VAV1: variants seen among roughly 807,000 people sequenced by gnomAD.
VAV1 encodes vav guanine nucleotide exchange factor 1.
Under a neutral mutation model 128.1 loss-of-function variants are expected in VAV1, and 33 were observed. The ratio of observed to expected loss-of-function variants is 0.26; its 90% CI spans 0.20 to 0.34. The LOEUF is 0.34. Ranked by LOEUF, VAV1 falls within the 10% of genes least tolerant of loss-of-function variation. The pLI is 1.00. For synonymous variants in VAV1, 394 were observed against 409.8 expected, an observed-to-expected ratio of 0.96 and a Z score of 0.47; for missense variants, 715 against 1,093.7, an observed-to-expected ratio of 0.65 and a Z score of 4.88.
intron 24 of VAV1, among the ~76,000 whole-genome samples, chr19:6,852,737 G>GA (rs1972699505): frequency 6.8e-6 from 1 of 148,110 alleles, no homozygotes; most frequent in African/African-American, 2.6e-5. Context: ...AAAAAAAAAA[G>GA]AAAGAAAGAA....
chr19:6,843,303 G>A (rs1215141724), intron 22 of VAV1, 137 bp downstream of exon 22: 2 of 991,754 alleles, frequency 2.0e-6, no homozygotes, highest in Non-Finnish European at 3.1e-6. Context: ...TCTAGCTCTG[G>A]GCTGGGGGCT....
chr19:6,843,080 CT>C, intron 21 of VAV1, 54 bp from the exon 22 acceptor site: 1 of 1,579,146 alleles, frequency 6.3e-7, no homozygotes, highest in Non-Finnish European at 8.7e-7. Context: ...GCCCTGCCCT[CT>C]GCTGTCAAGC....
intron 1 of VAV1, among the ~76,000 whole-genome samples, chr19:6,784,461 T>G (rs535715157): frequency 6.6e-6 from 1 of 151,372 alleles, no homozygotes; most frequent in African/African-American, 2.4e-5. Context: ...GGGTCAGCAC[T>G]TGGCACCATC....
intron 22 of VAV1, among the ~76,000 whole-genome samples, chr19:6,846,022 C>T (rs1042365894): frequency 1.3e-5 from 2 of 148,312 alleles, no homozygotes; most frequent in Admixed American, 1.4e-4. Flanking sequence ...TTTACATTTA[C>T]ATTATGTTAG....
At chr19:6,800,792 T>TTTTTTTGTG (rs1555699757) in intron 1 of VAV1, among the ~76,000 whole-genome samples, 3 of 147,612 alleles carry the variant, frequency 2.0e-5, no homozygotes, top group African/African-American at 7.4e-5. Context: ...TGGCAAATTT[T>TTTTTTTGTG]TGTGTGTGTG....
rs1435547215 is a variant in VAV1, at chr19:6,825,476, C to A, written c.827+70C>A. ...TTGCCTAGGCTGGGCATCTGAGAGA[C>A]CTTACCCTCAGACACCACTGGACGG... On this transcript the variant is annotated intron_variant, in intron 8 of 26. Coordinates refer to ENST00000602142, the MANE Select transcript of VAV1 (RefSeq NM_005428.4). 13 of 1,357,312 alleles carry A rather than the reference C, an allele frequency of 9.6e-6. No homozygotes were observed. In the South Asian group the frequency reaches 1.1e-4, roughly 12 times the overall value. The allele number at this position is 1,357,312 out of a possible 1,614,324, so 84.1% of individuals were successfully genotyped here.
At position 6,828,132 on chromosome 19, in the gene VAV1, G is replaced by C; in HGVS notation, c.984G>C (p.Val328=). 2 of 1,614,174 alleles carry C rather than the reference G, an allele frequency of 1.2e-6. No individual in the cohort carries two copies. The highest frequency in any genetic ancestry group is 1.7e-6 in the Non-Finnish European group (2 of 1,180,034). ...TCACCCTGCGGGACCTGCTGATGGT[G>C]CCTATGCAGCGAGTTCTCAAATATC... ...GRFTLRDLLM[V]PMQRVLKYHL... is the part of the protein sequence containing the mutation. The change falls in exon 10 of 27, where the codon GTG becomes GTC. Residue 328 remains valine, a synonymous_variant. Coordinates refer to ENST00000602142, the MANE Select transcript of VAV1 (RefSeq NM_005428.4). The surrounding 1 kb of genome is among the most constrained non-coding windows in gnomAD (Gnocchi z 4.5).
rs1970656998 is a variant in VAV1 at position 6,777,001 on chromosome 19, C to T, written c.204+3990C>T. 1.3e-5 allele frequency among the ~76,000 whole-genome samples: 2 copies of T among 152,078 alleles called. No homozygotes were observed. Among genetic ancestry groups the T allele is most frequent in the East Asian group, 1.9e-4 (1 of 5,162 alleles). On this transcript the variant is annotated intron_variant, in intron 1 of 26. Coordinates refer to ENST00000602142, the MANE Select transcript of VAV1 (RefSeq NM_005428.4). The surrounding 1 kb of genome is among the most constrained non-coding windows in gnomAD (Gnocchi z 4.4). Reference sequence around the variant, plus strand: ...TGAACTCCTGACCTTGTGATCCACTCGCCTCAGCCTTCCAAAGTGCTGGGA... The same window carrying T: ...TGAACTCCTGACCTTGTGATCCACTTGCCTCAGCCTTCCAAAGTGCTGGGA...
intron 1 of VAV1, among the ~76,000 whole-genome samples, chr19:6,819,342 T>C (rs1325645483): frequency 6.6e-6 from 1 of 152,260 alleles, no homozygotes; most frequent in Admixed American, 6.5e-5. Context: ...CTTTGTGATG[T>C]GCTGTTTCAT....
In VAV1 at chr19:6,847,892, A is replaced by G; in HGVS notation, c.2013-106A>G. ...GGCTGTTAGAGCCAGGCTGTCACCA[A>G]CTTAAAAAATCAAAGGGGTTCAGGG... On this transcript the variant is annotated intron_variant, in intron 22 of 26. Transcript: ENST00000602142. 3 of 1,054,254 alleles carry G rather than the reference A, an allele frequency of 2.8e-6. No homozygotes were observed. The South Asian group carries it at 6.4e-5, about 23-fold the overall frequency. 65.3% of individuals were successfully genotyped at this position (1,054,254 alleles called of 1,614,324 possible).
chr19:6,852,918 TG>T (rs1972704281), intron 24 of VAV1, 46 bp from the exon 25 acceptor site: 2 of 1,532,310 alleles, frequency 1.3e-6, no homozygotes, highest in Non-Finnish European at 1.8e-6. Flanking sequence ...TGCCCCCTTA[TG>T]GGCTGGCCCG....
intron 1 of VAV1, among the ~76,000 whole-genome samples, chr19:6,815,284 A>G (rs572099214): frequency 2.1e-3 from 318 of 152,122 alleles, no homozygotes; most frequent in Non-Finnish European, 3.5e-3. Flanking sequence ...AGTAGCTGGG[A>G]CTACTGGCCA....
rs374769222 is a variant in VAV1, at chr19:6,853,937, C to T, written c.2333-10C>T. On this transcript the variant is annotated splice_polypyrimidine_tract_variant and intron_variant, in intron 25 of 26. Coordinates refer to ENST00000602142, the MANE Select transcript of VAV1 (RefSeq NM_005428.4). ...CAGACCCTTTTCTCACTTCTGTTCT[C>T]TCTCCACAGTGGGAAGCACAAAGTA... 3 of 1,607,950 alleles carry T rather than the reference C, an allele frequency of 1.9e-6. No individual in the cohort carries two copies. The highest frequency in any genetic ancestry group is 1.3e-5 in the African/African-American group (1 of 74,906).
chr19:6,847,434 C>T (rs1237903808), intron 22 of VAV1, among the ~76,000 whole-genome samples: 1 of 152,158 alleles, frequency 6.6e-6, no homozygotes, highest in African/African-American at 2.4e-5. Flanking sequence ...CCTGGCTTCT[C>T]TCACTGAGTG....
intron 25 of VAV1, among the ~76,000 whole-genome samples, 178 bp downstream of exon 25, chr19:6,853,257 T>C (rs1169707643): frequency 6.6e-6 from 1 of 150,762 alleles, no homozygotes; most frequent in African/African-American, 2.4e-5. Flanking sequence ...TATAATATAA[T>C]TTAATTAATT....
At chr19:6,782,244 C>A (rs1189204448) in intron 1 of VAV1, among the ~76,000 whole-genome samples, 1 of 151,962 alleles carries the variant, frequency 6.6e-6, no homozygotes, top group African/African-American at 2.4e-5. Flanking sequence ...GCAGAAGAAT[C>A]CCTTGAACCC....
rs1330758751 is a variant in VAV1 at position 6,825,355 on chromosome 19, G to T, written c.776G>T (p.Gly259Val). Residue 259 changes from glycine to valine, a missense_variant, in exon 8 of 27, where the codon GGC (glycine) becomes GTC (valine). By Grantham distance (109) the Gly-to-Val change is moderately radical. This residue lies in a region of VAV1 where 302 missense variants were observed against 477.8 expected (regional missense o/e 0.63). Coordinates refer to ENST00000602142, the MANE Select transcript of VAV1 (RefSeq NM_005428.4). ...HFLKEMKEALGTPGAANLYQV... is the reference protein window; with the variant it reads ...HFLKEMKEALVTPGAANLYQV... ...CTAAAGGAGATGAAGGAAGCCCTGG[G>T]CACCCCTGGCGCAGCCAATCTCTAC... The T allele has an allele frequency of 6.2e-7, 1 of 1,613,794 alleles. No individual in the cohort carries two copies. Among genetic ancestry groups the T allele is most frequent in the East Asian group, 2.2e-5 (1 of 44,886 alleles).
chr19:6,801,054 C>T (rs1971256949), intron 1 of VAV1, among the ~76,000 whole-genome samples: 1 of 152,196 alleles, frequency 6.6e-6, no homozygotes, highest in Non-Finnish European at 1.5e-5. Context: ...CCTCTCACCA[C>T]CCTCATCATC....
chr19:6,829,966 C>A, intron 14 of VAV1, 48 bp downstream of exon 14: 1 of 1,611,340 alleles, frequency 6.2e-7, no homozygotes, highest in South Asian at 1.1e-5. Flanking sequence ...CAGTCGGCAG[C>A]TTAGCCCTCT....
Sources: allele counts gnomAD v4.1 joint callset (sites outside exome capture counted in the v4.1 genomes callset), GRCh38; gene constraint gnomAD v4.1.1; regional missense constraint gnomAD v4.1.1; non-coding constraint Gnocchi (gnomAD v3.1); transcripts MANE v1.5; gene names NCBI Gene and HGNC (gene_info 2026-07-23, HGNC 2026-07-21).